DSCAM: variants seen among roughly 807,000 people sequenced by gnomAD.
The protein encoded by DSCAM is DS cell adhesion molecule, also known as cell adhesion molecule DSCAM.
Under a neutral mutation model 217.7 loss-of-function variants are expected in DSCAM, and 47 were observed. That is an observed-to-expected ratio of 0.22 (90% CI 0.17 to 0.28). DSCAM has a LOEUF of 0.28. Among genes scored for constraint, DSCAM ranks in the 10% least tolerant of loss-of-function variants. The pLI, the probability that DSCAM is intolerant of heterozygous loss-of-function variation, is 1.00. For synonymous variants in DSCAM, 1,056 were observed against 1,015.3 expected, an observed-to-expected ratio of 1.04 and a Z score of -0.76; for missense variants, 2,080 against 2,618.3, an observed-to-expected ratio of 0.79 and a Z score of 4.49.
At chr21:40,352,665 A>T (rs918861877) in intron 5 of DSCAM, among the ~76,000 whole-genome samples, 1 of 152,200 alleles carries the variant, frequency 6.6e-6, no homozygotes, top group African/African-American at 2.4e-5. Flanking sequence ...TCAAATAAAA[A>T]TATATTTTCA....
chr21:40,315,579 C>G (rs1272202890), intron 8 of DSCAM, among the ~76,000 whole-genome samples: 1 of 151,972 alleles, frequency 6.6e-6, no homozygotes, highest in Non-Finnish European at 1.5e-5. Context: ...AAACGAAAAC[C>G]AAAACCCTGT....
intron 3 of DSCAM, among the ~76,000 whole-genome samples, chr21:40,434,315 C>T (rs906139692): frequency 5.3e-5 from 8 of 152,206 alleles, no homozygotes; most frequent in Non-Finnish European, 8.8e-5. Flanking sequence ...CATGCCAACA[C>T]GGAGACGCCA....
intron 11 of DSCAM, among the ~76,000 whole-genome samples, chr21:40,211,986 G>A (rs555218685): frequency 6.6e-6 from 1 of 151,468 alleles, no homozygotes; most frequent in Non-Finnish European, 1.5e-5. Flanking sequence ...GGTGTGGGGG[G>A]TGGGAGGGAG....
intron 1 of DSCAM, among the ~76,000 whole-genome samples, chr21:40,770,222 T>C (rs182613868): frequency 6.6e-6 from 1 of 152,360 alleles, no homozygotes; most frequent in East Asian, 1.9e-4. Flanking sequence ...GACTTGAACA[T>C]TTCTTAAAAG....
chr21:40,205,429 C>A (rs11702166), intron 11 of DSCAM, among the ~76,000 whole-genome samples: 76,556 of 151,450 alleles, frequency 0.51, 19,713 homozygotes, highest in African/African-American at 0.62. Context: ...ATGGCAAAAC[C>A]CCATCTCTAC....
intron 3 of DSCAM, among the ~76,000 whole-genome samples, chr21:40,519,265 C>T (rs1399871477): frequency 6.6e-6 from 1 of 152,064 alleles, no homozygotes; most frequent in Non-Finnish European, 1.5e-5. Context: ...AAACACGAAT[C>T]TGGGTATTGC....
chr21:40,467,327 C>T (rs531839281), intron 3 of DSCAM, among the ~76,000 whole-genome samples: 5 of 152,300 alleles, frequency 3.3e-5, no homozygotes, highest in African/African-American at 7.2e-5. Context: ...AACACACACA[C>T]GCACACAAAG....
At chr21:40,143,094 G>A (rs938084286) in intron 17 of DSCAM, among the ~76,000 whole-genome samples, 1 of 152,130 alleles carries the variant, frequency 6.6e-6, no homozygotes, top group Non-Finnish European at 1.5e-5. Flanking sequence ...ACTTTATAGA[G>A]TACGGTACCT....
chr21:40,264,106 C>T (rs1249389113), intron 11 of DSCAM, among the ~76,000 whole-genome samples: 1 of 151,774 alleles, frequency 6.6e-6, no homozygotes, highest in African/African-American at 2.4e-5. Flanking sequence ...GGATTCACAC[C>T]TAAATTCTAC....
At chr21:40,574,330 A>G (rs1361934005) in intron 3 of DSCAM, among the ~76,000 whole-genome samples, 3 of 152,240 alleles carry the variant, frequency 2.0e-5, no homozygotes, top group African/African-American at 7.2e-5. Context: ...ATTAAAAATC[A>G]GTCAAAATAA....
At chr21:40,237,500 T>C (rs1222793311) in intron 11 of DSCAM, among the ~76,000 whole-genome samples, 1 of 152,202 alleles carries the variant, frequency 6.6e-6, no homozygotes, top group African/African-American at 2.4e-5. Flanking sequence ...TTGCTGAGAA[T>C]GATGGTTTCC....
chr21:40,189,634 T>G (rs1365568420), intron 11 of DSCAM, among the ~76,000 whole-genome samples: 1 of 152,174 alleles, frequency 6.6e-6, no homozygotes, highest in Non-Finnish European at 1.5e-5. Flanking sequence ...AATTGAGTCA[T>G]GGAGGCGGAT....
At chr21:40,392,155 T>C (rs942690996) in intron 3 of DSCAM, among the ~76,000 whole-genome samples, 1 of 152,184 alleles carries the variant, frequency 6.6e-6, no homozygotes, top group Non-Finnish European at 1.5e-5. Flanking sequence ...AAATATTGGG[T>C]AAATGAGAGG....
chr21:40,708,308 TAAAG>T, intron 2 of DSCAM, 142 bp downstream of exon 2: 1 of 598,328 alleles, frequency 1.7e-6, no homozygotes, highest in Admixed American at 3.9e-5. Context: ...AAGGAGACCT[TAAAG>T]AAGTCATCAG....
chr21:40,343,827 CTTTAT>C (rs1051942321), intron 6 of DSCAM, among the ~76,000 whole-genome samples: 32 of 137,018 alleles, frequency 2.3e-4, no homozygotes, highest in African/African-American at 7.0e-4. Flanking sequence ...TTTTATTTTA[CTTTAT>C]TTTATTTATT....
intron 1 of DSCAM, among the ~76,000 whole-genome samples, chr21:40,732,758 G>A (rs2091025417): frequency 6.6e-6 from 1 of 152,172 alleles, no homozygotes. Flanking sequence ...CACTTTTTGA[G>A]AGGACTTAAA....
chr21:40,445,916 C>T (rs1194158739), intron 3 of DSCAM, among the ~76,000 whole-genome samples: 1 of 152,270 alleles, frequency 6.6e-6, no homozygotes, highest in Admixed American at 6.5e-5. Context: ...ATGCAAGGAT[C>T]TTCAATTAGT....
intron 11 of DSCAM, among the ~76,000 whole-genome samples, chr21:40,199,243 C>A (rs1455818292): frequency 6.6e-6 from 1 of 152,148 alleles, no homozygotes; most frequent in Non-Finnish European, 1.5e-5. Flanking sequence ...GTCCCTATTC[C>A]TTACATCACC....
At chr21:40,323,693 T>C (rs2074285341) in intron 8 of DSCAM, among the ~76,000 whole-genome samples, 1 of 152,220 alleles carries the variant, frequency 6.6e-6, no homozygotes, top group Admixed American at 6.5e-5. Context: ...TTGGAATATA[T>C]CAGGAATAAG....
Sources: allele counts gnomAD v4.1 joint callset (sites outside exome capture counted in the v4.1 genomes callset), GRCh38; gene constraint gnomAD v4.1.1; transcripts MANE v1.5; gene names NCBI Gene and HGNC (gene_info 2026-07-23, HGNC 2026-07-21).